WWC2: variants seen among roughly 807,000 people sequenced by gnomAD.
The protein encoded by WWC2 is WW and C2 domain containing 2.
A neutral mutation model predicts 138.5 loss-of-function variants in WWC2; 101 were observed. That is an observed-to-expected ratio of 0.73 (90% confidence interval 0.62 to 0.86). WWC2 has a LOEUF of 0.86. Among genes scored for constraint, WWC2 ranks in the 40% least tolerant of loss-of-function variants. The probability of loss-of-function intolerance (pLI) is 0.00; values close to 1 mark genes in which losing one functional copy is unlikely to be tolerated. For missense variants in WWC2, 1,420 were observed against 1,419.4 expected (o/e 1.00, Z -0.01); for synonymous variants, 558 against 538.4 (o/e 1.04, Z -0.50).
At chr4:183,185,324 C>G (rs1734759524) in intron 1 of WWC2, among the ~76,000 whole-genome samples, 2 of 151,972 alleles carry the variant, frequency 1.3e-5, no homozygotes, top group Admixed American at 1.3e-4. Context: ...TTAGCACCAA[C>G]TTTTTTTTAG....
At chr4:183,249,356 C>G (rs545676440) in intron 7 of WWC2, among the ~76,000 whole-genome samples, 1 of 152,160 alleles carries the variant, frequency 6.6e-6, no homozygotes, top group African/African-American at 2.4e-5. Context: ...TTTACCTTCT[C>G]CATTTTGGGA....
intron 1 of WWC2, among the ~76,000 whole-genome samples, chr4:183,151,740 T>C (rs1230032567): frequency 6.6e-6 from 1 of 152,188 alleles, no homozygotes; most frequent in African/African-American, 2.4e-5. Flanking sequence ...AGGGATCCAG[T>C]TTCAGCTTTC....
chr4:183,160,569 G>A (rs1414662742), intron 1 of WWC2, among the ~76,000 whole-genome samples: 2 of 152,180 alleles, frequency 1.3e-5, no homozygotes, highest in Admixed American at 1.3e-4. Context: ...TATGGCTAAA[G>A]TGGAGTATTA....
intron 4 of WWC2, among the ~76,000 whole-genome samples, chr4:183,235,215 G>A (rs994398891): frequency 2.6e-5 from 4 of 152,014 alleles, no homozygotes; most frequent in African/African-American, 9.7e-5. Context: ...AATAATGTGG[G>A]GGACAAAGAA....
At chr4:183,100,116 G>A (rs999931776) in intron 1 of WWC2, among the ~76,000 whole-genome samples, 30 of 152,292 alleles carry the variant, frequency 2.0e-4, no homozygotes, top group African/African-American at 6.7e-4. Context: ...CTGGCCGGAG[G>A]TCCCGAGCTG....
chr4:183,311,184 A>G (rs35646375), intron 21 of WWC2, among the ~76,000 whole-genome samples: 36,100 of 152,126 alleles, frequency 0.24, 4,466 homozygotes, highest in Non-Finnish European at 0.27. Context: ...AAATGAAAAG[A>G]CAACTTTTAA....
intron 1 of WWC2, among the ~76,000 whole-genome samples, chr4:183,148,550 T>C (rs1216040151): frequency 6.6e-6 from 1 of 152,204 alleles, no homozygotes; most frequent in Admixed American, 6.5e-5. Flanking sequence ...AAATCAGAAA[T>C]GGCTTTCCTC....
chr4:183,099,540 G>A lies in WWC2; in HGVS notation c.49G>A (p.Glu17Lys). Reference sequence around the variant, plus strand: ...TCAGCTGCCGCTGCCCCGGGGCTGGGAGGAGGCCAGGGACTACGACGGCAA... The same window carrying A: ...TCAGCTGCCGCTGCCCCGGGGCTGGAAGGAGGCCAGGGACTACGACGGCAA... ...SGQLPLPRGW[E>K]EARDYDGKVF... The change falls in exon 1 of 23, where the codon GAG becomes AAG. Residue 17 changes from glutamate to lysine, a missense_variant. Physicochemically the swap from Glu to Lys is moderately conservative, Grantham distance 56. Coordinates refer to ENST00000403733, the MANE Select transcript of WWC2 (RefSeq NM_024949.6). 1 of 1,412,708 alleles carries A rather than the reference G, an allele frequency of 7.1e-7. No homozygotes were observed. The highest frequency in any genetic ancestry group is 1.5e-5 in the South Asian group (1 of 68,642). 87.5% of individuals were successfully genotyped at this position (1,412,708 alleles called of 1,614,324 possible).
intron 1 of WWC2, among the ~76,000 whole-genome samples, chr4:183,189,857 A>G (rs1734942416): frequency 6.6e-6 from 1 of 152,106 alleles, no homozygotes; most frequent in African/African-American, 2.4e-5. Context: ...TTGTGCTTGT[A>G]CTCACCATCA....
intron 2 of WWC2, chr4:183,203,468 T>G (rs1560841000): frequency 1.3e-5 from 2 of 152,202 alleles, no homozygotes; most frequent in Non-Finnish European, 2.9e-5. Context: ...TGGAACACTT[T>G]CCTTTTATAT....
At chr4:183,240,713 TGACCTA>T (rs1736589045) in intron 5 of WWC2, 1 of 153,500 alleles carries the variant, frequency 6.5e-6, no homozygotes, top group South Asian at 2.1e-4. Context: ...GCCCCAGGGA[TGACCTA>T]GAGTCTAACC....
Position 183,261,448 on chromosome 4 carries a change from G to A in WWC2, c.1825G>A (p.Asp609Asn), listed in dbSNP as rs1737327030. The A allele has an allele frequency of 1.2e-6, 2 of 1,612,130 alleles. No homozygotes were observed. The highest frequency in any genetic ancestry group is 2.2e-5 in the South Asian group (2 of 90,542). ...CGAAAATCAGATTTTGCTGGATTCTGATTCAGGAGGAGCCTCCCAGTCTCT... is the reference window on the plus strand; with the variant it reads ...CGAAAATCAGATTTTGCTGGATTCTAATTCAGGAGGAGCCTCCCAGTCTCT... ...LIENQILLDSDSGGASQSLSE... is the reference protein window; with the variant it reads ...LIENQILLDSNSGGASQSLSE... The change falls in exon 11 of 23, where the codon GAT becomes AAT. Residue 609 changes from aspartate to asparagine, a missense_variant. By Grantham distance (23) the Asp-to-Asn change is conservative. Coordinates refer to ENST00000403733, the MANE Select transcript of WWC2 (RefSeq NM_024949.6).
At position 183,239,320 on chromosome 4, in the gene WWC2, A is replaced by C. The variant is rs563660605; in HGVS notation, c.523-863A>C. 5.3e-5 allele frequency among the ~76,000 whole-genome samples: 8 copies of C among 152,240 alleles called. No individual in the cohort carries two copies. In the South Asian group the frequency reaches 1.2e-3, roughly 24 times the overall value. On this transcript the variant is annotated intron_variant, in intron 4 of 22. Transcript: ENST00000403733. ...CAGAGCAAGACTCTGTCTCAAAAAA[A>C]AAACAAACAAACAACAGAAAAAAAC...
intron 1 of WWC2, among the ~76,000 whole-genome samples, chr4:183,153,020 G>T (rs533039827): frequency 6.6e-6 from 1 of 152,016 alleles, no homozygotes; most frequent in South Asian, 2.1e-4. Flanking sequence ...CTCAGCCTCC[G>T]CAGTAGCTGG....
chr4:183,285,093 T>A (rs1477688398), intron 19 of WWC2, among the ~76,000 whole-genome samples: 1 of 152,218 alleles, frequency 6.6e-6, no homozygotes, highest in African/African-American at 2.4e-5. Flanking sequence ...TTGTAGAGTT[T>A]ACATTCCTGT....
chr4:183,220,006 G>A (rs1039293408), intron 4 of WWC2, among the ~76,000 whole-genome samples: 8 of 152,140 alleles, frequency 5.3e-5, no homozygotes, highest in Non-Finnish European at 1.2e-4. Context: ...GGTTGTAGGG[G>A]AGGACATTAG....
intron 1 of WWC2, among the ~76,000 whole-genome samples, chr4:183,100,998 G>A (rs1743161792): frequency 6.6e-6 from 1 of 152,168 alleles, no homozygotes; most frequent in South Asian, 2.1e-4. Context: ...TTTGACTTAT[G>A]CTATTGCACT....
At chr4:183,265,537 CAGTA>C (rs1737473667) in intron 12 of WWC2, 147 bp from the exon 13 acceptor site, 1 of 812,136 alleles carries the variant, frequency 1.2e-6, no homozygotes, top group African/African-American at 1.7e-5. Context: ...GCCTCTGAAA[CAGTA>C]AGCTTTCGCT....
At chr4:183,155,798 C>T (rs1204679108) in intron 1 of WWC2, among the ~76,000 whole-genome samples, 2 of 152,158 alleles carry the variant, frequency 1.3e-5, no homozygotes, top group African/African-American at 4.8e-5. Flanking sequence ...AGAATCTACT[C>T]AGAGTCATTG....
Sources: gnomAD v4.1 joint callset for allele counts (sites outside exome capture counted in the v4.1 genomes callset) on GRCh38, gnomAD v4.1.1 for gene constraint, MANE v1.5 for transcripts, NCBI Gene and HGNC (gene_info 2026-07-23, HGNC 2026-07-21) for gene names.